Variants in CREB3L1 observed in about 807,000 individuals in gnomAD.
CREB3L1 encodes cAMP responsive element binding protein 3 like 1.
CREB3L1 carries 33 observed loss-of-function variants against 54.5 expected under a neutral mutation model. The observed-to-expected ratio is 0.61, with a 90% CI of 0.46 to 0.81. CREB3L1 has a LOEUF of 0.81. CREB3L1 is among the 30% of genes least tolerant of loss of function. The probability of loss-of-function intolerance (pLI) is 0.00; values close to 1 mark genes in which losing one functional copy is unlikely to be tolerated. For missense variants in CREB3L1, 656 were observed against 673.3 expected (o/e 0.97, Z 0.29); for synonymous variants, 284 against 286.4 (o/e 0.99, Z 0.08).
intron 11 of CREB3L1, 79 bp from the exon 12 acceptor site, chr11:46,320,631 T>C: frequency 6.4e-7 from 1 of 1,558,522 alleles, no homozygotes; most frequent in Non-Finnish European, 8.7e-7. Flanking sequence ...GCCCCATCCC[T>C]ACTTGGTCTA....
At chr11:46,298,845 A>C (rs1043996498) in intron 1 of CREB3L1, among the ~76,000 whole-genome samples, 3 of 152,222 alleles carry the variant, frequency 2.0e-5, no homozygotes, top group African/African-American at 7.2e-5. Flanking sequence ...AGTAATTACT[A>C]TGTGCCAGGG....
intron 5 of CREB3L1, among the ~76,000 whole-genome samples, chr11:46,311,719 A>G (rs1189138245): frequency 6.6e-6 from 1 of 152,108 alleles, no homozygotes; most frequent in Non-Finnish European, 1.5e-5. Context: ...GCTGGTCTCA[A>G]TCTCTTGACC....
At chr11:46,312,734 C>T (rs554555970) in intron 7 of CREB3L1, 64 bp downstream of exon 7, 549 of 1,561,442 alleles carry the variant, frequency 3.5e-4, no homozygotes, top group Non-Finnish European at 4.3e-4. Context: ...CCTAGGCCCT[C>T]CCTCAGGGGG....
intron 1 of CREB3L1, 66 bp from the exon 2 acceptor site, chr11:46,299,869 T>A: frequency 2.6e-6 from 3 of 1,167,246 alleles, no homozygotes; most frequent in Non-Finnish European, 3.8e-6. Context: ...ACCACCACAG[T>A]AGCACCTGCA....
chr11:46,312,513 G>C (rs372512380), intron 6 of CREB3L1, 39 bp downstream of exon 6: 6 of 1,610,418 alleles, frequency 3.7e-6, no homozygotes, highest in Non-Finnish European at 5.1e-6. Context: ...GGGCTTCCTT[G>C]GTGGGTGGGC....
At chr11:46,307,681 A>T in intron 2 of CREB3L1, 135 bp from the exon 3 acceptor site, 1 of 646,274 alleles carries the variant, frequency 1.5e-6, no homozygotes, top group Non-Finnish European at 2.5e-6. Flanking sequence ...TCACCTCACA[A>T]CCACCCTCTT....
chr11:46,312,233 C>T (rs947807730), intron 5 of CREB3L1, 92 bp from the exon 6 acceptor site: 38 of 1,104,120 alleles, frequency 3.4e-5, no homozygotes, highest in Non-Finnish European at 7.7e-6. Flanking sequence ...GCATTGTGTG[C>T]CTTGCCCAGG....
intron 1 of CREB3L1, among the ~76,000 whole-genome samples, chr11:46,298,930 T>C (rs771979155): frequency 2.6e-5 from 4 of 152,288 alleles, no homozygotes; most frequent in Middle Eastern, 6.8e-3. Flanking sequence ...ACTATTAATA[T>C]TACCAGCTGT....
In CREB3L1 at chr11:46,278,836, T is replaced by C. The variant is rs1938922298; in HGVS notation, c.102+623T>C. On this transcript the variant is annotated intron_variant, in intron 1 of 11. Coordinates refer to ENST00000621158, the MANE Select transcript of CREB3L1 (RefSeq NM_052854.4). The surrounding 1 kb of genome is among the most constrained non-coding windows in gnomAD (Gnocchi z 4.2). ...GGAGCCATTTCTCTCCATCTGCCTCTAGATCTCTGCTCTGTCCCTCTGTTC... is the reference window on the plus strand; with the variant it reads ...GGAGCCATTTCTCTCCATCTGCCTCCAGATCTCTGCTCTGTCCCTCTGTTC... Among the ~76,000 whole-genome samples the C allele has an allele frequency of 6.6e-6, 1 of 152,198 alleles. No homozygotes were observed. Among genetic ancestry groups the C allele is most frequent in the African/African-American group, 2.4e-5 (1 of 41,442 alleles).
chr11:46,317,220 G>A (rs924229547), intron 9 of CREB3L1, 141 bp from the exon 10 acceptor site: 9 of 1,033,342 alleles, frequency 8.7e-6, no homozygotes, highest in Admixed American at 2.2e-5. Context: ...ATGTAGGAGG[G>A]AGTGGTCGAC....
intron 1 of CREB3L1, among the ~76,000 whole-genome samples, chr11:46,283,268 T>G (rs1218242332): frequency 6.6e-6 from 1 of 152,184 alleles, no homozygotes; most frequent in Non-Finnish European, 1.5e-5. Flanking sequence ...TTTTGTAGAA[T>G]TAACGAAAAA....
chr11:46,317,614 A>G, intron 10 of CREB3L1, 127 bp downstream of exon 10: 2 of 1,213,164 alleles, frequency 1.6e-6, no homozygotes, highest in Non-Finnish European at 2.3e-6. Flanking sequence ...ATTTTGCCTC[A>G]TTTTCCAGAT....
At chr11:46,282,331 C>T (rs1199029140) in intron 1 of CREB3L1, among the ~76,000 whole-genome samples, 2 of 152,136 alleles carry the variant, frequency 1.3e-5, no homozygotes, top group African/African-American at 2.4e-5. Flanking sequence ...TGAGCCATCC[C>T]CCTACTGCAC....
rs1215780422 is a variant in CREB3L1 at position 46,307,842 on chromosome 11, G to C, written c.358G>C (p.Gly120Arg). The C allele has an allele frequency of 3.2e-6, 5 of 1,580,802 alleles. No homozygotes were observed. The African/African-American group carries it at 6.8e-5, about 21-fold the overall frequency. The change falls in exon 3 of 12, where the codon GGA (glycine) becomes CGA (arginine). Residue 120 changes from glycine (G) to arginine (R), a missense_variant. Around this residue, in one of 3 missense-constraint regions of CREB3L1, gnomAD observed 339 missense variants for 331.5 expected, o/e 1.02. Transcript: ENST00000621158. Reference sequence around the variant, plus strand: ...TGCAGAGCATGGAGCATGGGCGCTGGGACACAAACTGTGCTCCATCATGGT... The same window carrying C: ...TGCAGAGCATGGAGCATGGGCGCTGCGACACAAACTGTGCTCCATCATGGT... ...QDAEHGAWAL[G>R]HKLCSIMVKQ... is the part of the protein sequence containing the mutation.
chr11:46,304,466 CA>C (rs1939348951), intron 2 of CREB3L1, among the ~76,000 whole-genome samples: 1 of 151,974 alleles, frequency 6.6e-6, no homozygotes, highest in Non-Finnish European at 1.5e-5. Context: ...AGCGAAATTC[CA>C]TCTCAAAGAA....
chr11:46,305,672 ATGTGTGTGTGTGTATATATGTGTG>A (rs1939379446), intron 2 of CREB3L1, among the ~76,000 whole-genome samples: 1 of 89,340 alleles, frequency 1.1e-5, no homozygotes, highest in African/African-American at 4.4e-5. Flanking sequence ...GTGTATATAT[ATGTGTGTGTGTGTATATATGTGTG>A]TGTGTGTGTG....
At chr11:46,296,521 T>C (rs1939213576) in intron 1 of CREB3L1, among the ~76,000 whole-genome samples, 1 of 152,174 alleles carries the variant, frequency 6.6e-6, no homozygotes, top group South Asian at 2.1e-4. Context: ...TCCCGTCCCT[T>C]CTGCCTCTAA....
intron 8 of CREB3L1, chr11:46,315,201 T>C (rs900012339): frequency 3.0e-6 from 1 of 336,950 alleles, no homozygotes; most frequent in Non-Finnish European, 6.0e-6. Context: ...CACTCCTCTG[T>C]TCCCTGATTG....
intron 1 of CREB3L1, among the ~76,000 whole-genome samples, chr11:46,284,555 G>A (rs1939027849): frequency 1.3e-5 from 2 of 151,882 alleles, no homozygotes; most frequent in South Asian, 2.1e-4. Flanking sequence ...TTGGGAGGCT[G>A]AGCCAGGAGA....
Sources: allele counts gnomAD v4.1 joint callset (sites outside exome capture counted in the v4.1 genomes callset), GRCh38; gene constraint gnomAD v4.1.1; regional missense constraint gnomAD v4.1.1; non-coding constraint Gnocchi (gnomAD v3.1); transcripts MANE v1.5; gene names NCBI Gene and HGNC (gene_info 2026-07-23, HGNC 2026-07-21).